The following ZFP41 variants were observed in gnomAD, a reference collection of about 807,000 sequenced individuals.
The protein encoded by ZFP41 is ZFP41 zinc finger protein.
Under a neutral mutation model 11.6 loss-of-function variants are expected in ZFP41, and 10 were observed. The observed-to-expected ratio is 0.86, with a 90% CI of 0.53 to 1.47. The LOEUF (loss-of-function observed/expected upper bound fraction) is 1.47, where lower values mean the gene tolerates loss of function less well. ZFP41 is among the 40% of genes most tolerant of loss of function. ZFP41 has a pLI of 0.00. For synonymous variants in ZFP41, 123 were observed against 100.9 expected, an observed-to-expected ratio of 1.22 and a Z score of -1.31; for missense variants, 302 against 264.6, an observed-to-expected ratio of 1.14 and a Z score of -0.98.
intron 1 of ZFP41, chr8:143,248,460 AC>A (rs1586707866): frequency 6.6e-6 from 1 of 151,688 alleles, no homozygotes; most frequent in Non-Finnish European, 1.5e-5. Flanking sequence ...TTCACAAACC[AC>A]CCCCCGCCCC....
chr8:143,255,808 G>A (rs1192662046), intron 2 of ZFP41, among the ~76,000 whole-genome samples: 2 of 111,062 alleles, frequency 1.8e-5, no homozygotes, highest in Admixed American at 8.9e-5. Context: ...CCCGCGTGCT[G>A]GTGTTAGTGA....
At chr8:143,257,231 C>T (rs1814935129) in intron 2 of ZFP41, among the ~76,000 whole-genome samples, 1 of 152,200 alleles carries the variant, frequency 6.6e-6, no homozygotes, top group Non-Finnish European at 1.5e-5. Flanking sequence ...GTGGCTCACG[C>T]CTATAATCCC....
chr8:143,260,442 T>C lies in ZFP41; in HGVS notation c.*1568T>C, dbSNP rs538624645. On this transcript the variant is annotated 3_prime_UTR_variant, in exon 3 of 3. Coordinates refer to ENST00000330701, the MANE Select transcript of ZFP41 (RefSeq NM_173832.6). ...GGAGTCCCAGGAATCAGCCTGATGT[T>C]CAGAATGCCTTCCTGGCATCTCAGA... 1.3e-5 allele frequency: 2 copies of C among 157,222 alleles called. No individual in the cohort carries two copies. The highest frequency in any genetic ancestry group is 4.8e-5 in the African/African-American group (2 of 41,476). The allele number at this position is 157,222 out of a possible 1,614,324, so 9.7% of individuals were successfully genotyped here. A position where few individuals can be genotyped will look rare whatever the true frequency, so the allele number is the denominator to read the frequency against.
chr8:143,250,809 G>T lies in ZFP41; in HGVS notation c.*369G>T. The T allele has an allele frequency of 3.6e-6, 1 of 279,980 alleles. No homozygotes were observed. 17.3% of individuals were successfully genotyped at this position (279,980 alleles called of 1,614,324 possible). On this transcript the variant is annotated 3_prime_UTR_variant, in exon 2 of 3. Transcript: ENST00000330701. ...CACCTCAGAGCACCCAGCAGGAGAG[G>T]CTCCTGGTGTAGTGGGCAGCCCAGC...
In ZFP41 at chr8:143,250,023, C is replaced by T; in HGVS notation, c.180C>T (p.Val60=). The change falls in exon 2 of 3, where the codon GTC becomes GTT. Residue 60 remains valine, a synonymous_variant. Coordinates refer to ENST00000330701, the MANE Select transcript of ZFP41 (RefSeq NM_173832.6). ...PCLSPEDEEH[V]FDAFDASFKD... is the part of the protein sequence containing the mutation. ...TGAGTCCTGAAGACGAAGAGCACGT[C>T]TTTGATGCCTTCGACGCTTCATTTA... The T allele has an allele frequency of 6.2e-7, 1 of 1,614,174 alleles. No individual in the cohort carries two copies. Among genetic ancestry groups the T allele is most frequent in the Non-Finnish European group, 8.5e-7 (1 of 1,180,034 alleles).
rs1318785502 is a variant in ZFP41 at position 143,251,104 on chromosome 8, C to T, written c.*664C>T. The T allele has an allele frequency of 5.9e-6, 1 of 168,104 alleles. No individual in the cohort carries two copies. Among genetic ancestry groups the T allele is most frequent in the Non-Finnish European group, 1.5e-5 (1 of 68,880 alleles). The allele number at this position is 168,104 out of a possible 1,614,324, so 10.4% of individuals were successfully genotyped here. On this transcript the variant is annotated 3_prime_UTR_variant, in exon 2 of 3. Transcript: ENST00000330701. ...GACCCCCGTCCCCGGAACTGGGCCA[C>T]ACCACGTGCCCTCTTGGCCCAGCCT...
chr8:143,255,745 TAGTG>T (rs1057058882), intron 2 of ZFP41, among the ~76,000 whole-genome samples: 4 of 122,696 alleles, frequency 3.3e-5, no homozygotes, highest in African/African-American at 1.3e-4. Context: ...GTGCTGGTGT[TAGTG>T]AGATCAGGGC....
chr8:143,259,814 A>G lies in ZFP41; in HGVS notation c.*940A>G, dbSNP rs1814996707. On this transcript the variant is annotated 3_prime_UTR_variant, in exon 3 of 3. Transcript: ENST00000330701. ...TCACCCCCAAAGCAAGAAGTTCCAG[A>G]TGAAATATGCATAAGAAGCAGCCTC... The G allele has an allele frequency of 6.6e-6, 1 of 152,320 alleles. No homozygotes were observed. Among genetic ancestry groups the G allele is most frequent in the Admixed American group, 6.5e-5 (1 of 15,292 alleles). The allele number at this position is 152,320 out of a possible 1,614,324, so 9.4% of individuals were successfully genotyped here.
In ZFP41 at chr8:143,249,922, G is replaced by A. The variant is rs781397393; in HGVS notation, c.79G>A (p.Glu27Lys). The A allele has an allele frequency of 6.2e-7, 1 of 1,613,740 alleles. No individual in the cohort carries two copies. Among genetic ancestry groups the A allele is most frequent in the East Asian group, 2.2e-5 (1 of 44,860 alleles). ...AGACGTGCAGAAGAGTGCGCTCAGA[G>A]AGGAGAAGGTGTCCGGGGACAGAAA... ...EADVQKSALREEKVSGDRKPP... is the reference protein window; with the variant it reads ...EADVQKSALRKEKVSGDRKPP... The change falls in exon 2 of 3, where the codon GAG (glutamate) becomes AAG (lysine). Residue 27 changes from glutamate (E) to lysine (K), a missense_variant. Glu to Lys is a moderately conservative substitution (Grantham distance 56). Transcript: ENST00000330701.
In ZFP41 at chr8:143,262,383, T is replaced by C. The variant is rs1380021952; in HGVS notation, c.*3509T>C. 6.6e-6 allele frequency: 1 copy of C among 152,522 alleles called. No homozygotes were observed. The highest frequency in any genetic ancestry group is 1.5e-5 in the Non-Finnish European group (1 of 68,232). 9.4% of individuals were successfully genotyped at this position (152,522 alleles called of 1,614,324 possible). On this transcript the variant is annotated 3_prime_UTR_variant, in exon 3 of 3. Transcript: ENST00000330701. ...GCGCTGACCCCTCCTGTAACAGCTG[T>C]GGTCTTGGCCTCTCGTGTTGGTGGC...
intron 1 of ZFP41, chr8:143,247,649 G>C (rs1244076673): frequency 6.6e-6 from 1 of 152,236 alleles, no homozygotes; most frequent in Non-Finnish European, 1.5e-5. Flanking sequence ...AGCTACGCTG[G>C]AGTTGCACGA....
chr8:143,257,127 TAGGAGAGGAGCTGGAAGTC>T (rs962956745), intron 2 of ZFP41, among the ~76,000 whole-genome samples: 8 of 152,138 alleles, frequency 5.3e-5, no homozygotes, highest in South Asian at 2.1e-4. Context: ...CTGTTGCTGT[TAGGAGAGGAGCTGGAAGTC>T]AGGAGAGGAG....
At position 143,249,980 on chromosome 8, in the gene ZFP41, C is replaced by T; in HGVS notation, c.137C>T (p.Pro46Leu). 1.9e-6 allele frequency: 3 copies of T among 1,614,084 alleles called. No individual in the cohort carries two copies. Among genetic ancestry groups the T allele is most frequent in the Non-Finnish European group, 2.5e-6 (3 of 1,180,000 alleles). ...PPERPTVPRK[P>L]RTEPCLSPED... ...GAGAGGCCCACTGTGCCCAGGAAGC[C>T]CCGCACAGAGCCCTGCCTGAGTCCT... is the stretch of plus-strand genomic sequence containing the variant. The change falls in exon 2 of 3, where the codon CCC becomes CTC. Residue 46 changes from proline to leucine, a missense_variant. Pro to Leu is a moderately conservative substitution (Grantham distance 98, BLOSUM62 -3). Transcript: ENST00000330701.
chr8:143,259,105 C>T (rs114443141), intron 2 of ZFP41, among the ~76,000 whole-genome samples: 2 of 152,226 alleles, frequency 1.3e-5, no homozygotes, highest in South Asian at 4.1e-4. Context: ...AAATGCCTGT[C>T]GGTAGCGAAG....
chr8:143,254,132 G>A (rs1420304991), intron 2 of ZFP41, among the ~76,000 whole-genome samples: 1 of 152,154 alleles, frequency 6.6e-6, no homozygotes, highest in Non-Finnish European at 1.5e-5. Flanking sequence ...CCGTCTTGAG[G>A]TCAGGGACTC....
chr8:143,255,348 A>T (rs1441500308), intron 2 of ZFP41, among the ~76,000 whole-genome samples: 1 of 152,250 alleles, frequency 6.6e-6, no homozygotes, highest in Non-Finnish European at 1.5e-5. Flanking sequence ...TGACGTCGTA[A>T]GCACACTGCT....
intron 2 of ZFP41, among the ~76,000 whole-genome samples, chr8:143,258,996 G>C (rs907377405): frequency 7.2e-5 from 11 of 152,236 alleles, no homozygotes; most frequent in African/African-American, 2.7e-4. Flanking sequence ...GCTGACCCAG[G>C]AGCCGCCTGT....
chr8:143,250,783 T>A lies in ZFP41; in HGVS notation c.*343T>A, dbSNP rs1814727087. 6 of 343,836 alleles carry A rather than the reference T, an allele frequency of 1.7e-5. No individual in the cohort carries two copies. Among genetic ancestry groups the A allele is most frequent in the Middle Eastern group, 9.6e-4 (1 of 1,040 alleles). 21.3% of individuals were successfully genotyped at this position (343,836 alleles called of 1,614,324 possible). A position where few individuals can be genotyped will look rare whatever the true frequency, so the allele number is the denominator to read the frequency against. ...CTGCCATCCATTGGACGTGTTTGGG[T>A]CACCTCAGAGCACCCAGCAGGAGAG... On this transcript the variant is annotated 3_prime_UTR_variant, in exon 2 of 3. Transcript: ENST00000330701.
intron 2 of ZFP41, among the ~76,000 whole-genome samples, chr8:143,258,857 T>C (rs1814972542): frequency 6.6e-6 from 1 of 152,174 alleles, no homozygotes; most frequent in African/African-American, 2.4e-5. Flanking sequence ...GTGGTAAAGA[T>C]GGCCAGGTCG....
Sources: allele counts gnomAD v4.1 joint callset (sites outside exome capture counted in the v4.1 genomes callset), GRCh38; gene constraint gnomAD v4.1.1; transcripts MANE v1.5; gene names NCBI Gene and HGNC (gene_info 2026-07-23, HGNC 2026-07-21).